PCDH19: variants seen among roughly 807,000 people sequenced by gnomAD.
The protein encoded by PCDH19 is protocadherin-19.
PCDH19 carries 6 observed loss-of-function variants against 46.2 expected under a neutral mutation model. The observed-to-expected ratio is 0.13, with a 90% confidence interval of 0.07 to 0.26. The LOEUF is 0.26. PCDH19 is among the 10% of genes least tolerant of loss of function. PCDH19 has a pLI of 1.00. For missense variants in PCDH19, 740 were observed against 972.3 expected (o/e 0.76, Z 3.18); for synonymous variants, 481 against 415.7 (o/e 1.16, Z -1.91).
intron 3 of PCDH19, among the ~76,000 whole-genome samples, chrX:100,379,192 C>A (rs1927469256): frequency 9.0e-6 from 1 of 110,555 alleles, no homozygotes; most frequent in African/African-American, 3.3e-5. Flanking sequence ...AGGACAACAG[C>A]CCCGGGAAAG....
intron 5 of PCDH19, among the ~76,000 whole-genome samples, chrX:100,336,744 T>C (rs1021587444): frequency 9.0e-6 from 1 of 111,721 alleles, no homozygotes; most frequent in African/African-American, 3.3e-5. Flanking sequence ...GAACTCCAAA[T>C]TGGGTGCATA....
chrX:100,304,672 A>C (rs1285576926), intron 5 of PCDH19, among the ~76,000 whole-genome samples: 1 of 111,714 alleles, frequency 9.0e-6, no homozygotes, highest in East Asian at 2.8e-4. Context: ...AATCAAAACC[A>C]TGACACAAGA....
chrX:100,349,060 C>A (rs889252863), intron 4 of PCDH19, among the ~76,000 whole-genome samples: 1 of 111,158 alleles, frequency 9.0e-6, no homozygotes, highest in African/African-American at 3.3e-5. Context: ...CAGGCATGAG[C>A]CACTGCGCCC....
intron 5 of PCDH19, among the ~76,000 whole-genome samples, chrX:100,318,185 G>A (rs1469347084): frequency 9.0e-6 from 1 of 111,718 alleles, no homozygotes; most frequent in African/African-American, 3.3e-5. Context: ...CTACCTTAGA[G>A]TCCCAGATCT....
At chrX:100,363,262 C>A (rs1926950219) in intron 3 of PCDH19, among the ~76,000 whole-genome samples, 1 of 107,620 alleles carries the variant, frequency 9.3e-6, no homozygotes, top group Non-Finnish European at 1.9e-5. Context: ...CAAGATCACG[C>A]CACTGCACTC....
intron 5 of PCDH19, among the ~76,000 whole-genome samples, chrX:100,300,665 T>C (rs1454452467): frequency 1.8e-5 from 2 of 111,568 alleles, no homozygotes; most frequent in East Asian, 2.8e-4. Flanking sequence ...AATTTGTAAA[T>C]TGGTTTTCCC....
At chrX:100,399,143 A>G (rs1928105671) in intron 3 of PCDH19, among the ~76,000 whole-genome samples, 1 of 112,106 alleles carries the variant, frequency 8.9e-6, no homozygotes, top group Non-Finnish European at 1.9e-5. Context: ...GAATGGTTTA[A>G]TGAAATAATA....
chrX:100,341,463 C>T (rs779052189), intron 5 of PCDH19, among the ~76,000 whole-genome samples: 252 of 111,855 alleles, frequency 2.3e-3, no homozygotes, highest in African/African-American at 7.5e-3. Flanking sequence ...CAGAGTCTCA[C>T]TCTGGGTAAA....
intron 3 of PCDH19, among the ~76,000 whole-genome samples, chrX:100,362,550 T>A (rs941069240): frequency 2.7e-5 from 3 of 109,805 alleles, no homozygotes; most frequent in African/African-American, 1.0e-4. Context: ...TCCCAGCACT[T>A]TGGGAGGCCG....
At chrX:100,365,860 C>T (rs1803688877) in intron 3 of PCDH19, among the ~76,000 whole-genome samples, 1 of 112,082 alleles carries the variant, frequency 8.9e-6, no homozygotes. Context: ...TCTCTACTTG[C>T]CCAGCTCCTT....
At chrX:100,401,498 C>A (rs1325868579) in intron 3 of PCDH19, among the ~76,000 whole-genome samples, 1 of 110,977 alleles carries the variant, frequency 9.0e-6, no homozygotes, top group East Asian at 2.8e-4. Context: ...ACTAAAAATA[C>A]AAAATTAGCT....
intron 5 of PCDH19, among the ~76,000 whole-genome samples, chrX:100,330,961 T>C (rs1226486618): frequency 8.9e-6 from 1 of 112,351 alleles, no homozygotes; most frequent in African/African-American, 3.2e-5. Flanking sequence ...AAAGTATTTG[T>C]CATTAGGCCG....
At chrX:100,350,613 T>C in intron 4 of PCDH19, 33 bp downstream of exon 4, 2 of 1,013,487 alleles carry the variant, frequency 2.0e-6, no homozygotes, top group Non-Finnish European at 2.8e-6. Context: ...AAATCAAGCT[T>C]AGTTGCAGCA....
At chrX:100,311,086 T>TC (rs1925117016) in intron 5 of PCDH19, among the ~76,000 whole-genome samples, 2 of 109,389 alleles carry the variant, frequency 1.8e-5, no homozygotes, top group Admixed American at 2.0e-4. Context: ...ACTCAAAGGA[T>TC]CCTCCCACTT....
At chrX:100,365,706 G>A (rs1444433375) in intron 3 of PCDH19, among the ~76,000 whole-genome samples, 2 of 110,954 alleles carry the variant, frequency 1.8e-5, no homozygotes, top group Admixed American at 9.6e-5. Context: ...TTGCACACGC[G>A]CACACACAAA....
Position 100,348,997 on chromosome X carries a change from A to G in PCDH19, c.2675+1649T>C, listed in dbSNP as rs772825471. The stretch of plus-strand genomic sequence containing the variant: ...ACTATTTTGCCCAGGCTGGTCTCCA[A>G]CTCCTGGCCTCAAGCAGTTCTCCAC... On this transcript the variant is annotated intron_variant, in intron 4 of 5. Coordinates refer to ENST00000373034, the MANE Select transcript of PCDH19 (RefSeq NM_001184880.2). Among the ~76,000 whole-genome samples the G allele has an allele frequency of 1.7e-3, 183 of 108,620 alleles. 1 individual carries two copies. The highest frequency in any genetic ancestry group is 9.4e-3 in the Middle Eastern group (2 of 213). 94.3% of individuals were successfully genotyped at this position (108,620 alleles called of 115,157 possible). A position where few individuals can be genotyped will look rare whatever the true frequency, so the allele number is the denominator to read the frequency against.
rs770935301 is a variant in PCDH19, at chrX:100,350,675, G to A, written c.2646C>T (p.Tyr882=). The A allele has an allele frequency of 1.4e-5, 17 of 1,186,729 alleles. No individual in the cohort carries two copies. The highest frequency in any genetic ancestry group is 1.8e-5 in the South Asian group (1 of 56,076). The change falls in exon 4 of 6, where the codon TAC becomes TAT. Residue 882 remains tyrosine, a synonymous_variant. Coordinates refer to ENST00000373034, the MANE Select transcript of PCDH19 (RefSeq NM_001184880.2). ...TGATTAAATGGGCTCGGCTATTCAC[G>A]TAGTTGGAGTCAAAAGAATAGTTTT... is the stretch of plus-strand genomic sequence containing the variant. ...ETENYSFDSN[Y]VNSRAHLIKS... is the part of the protein sequence containing the mutation.
intron 3 of PCDH19, 118 bp from the exon 4 acceptor site, chrX:100,350,822 C>T: frequency 1.9e-6 from 1 of 537,057 alleles, no homozygotes; most frequent in Non-Finnish European, 3.3e-6. Context: ...GAATTGGAAC[C>T]CAAGGCCACA....
At chrX:100,357,283 C>T (rs1169956932) in intron 3 of PCDH19, among the ~76,000 whole-genome samples, 1 of 112,036 alleles carries the variant, frequency 8.9e-6, no homozygotes, top group Non-Finnish European at 1.9e-5. Context: ...CCTAATGGCT[C>T]AATGGCTGTA....
Sources: allele counts gnomAD v4.1 joint callset (sites outside exome capture counted in the v4.1 genomes callset), GRCh38; gene constraint gnomAD v4.1.1; transcripts MANE v1.5; gene names NCBI Gene and HGNC (gene_info 2026-07-23, HGNC 2026-07-21).